Variants in MBP observed in about 807,000 individuals in gnomAD.
MBP encodes myelin basic protein, also known as Golli-MBP.
MBP carries 16 observed loss-of-function variants against 35.8 expected under a neutral mutation model. The ratio of observed to expected loss-of-function variants is 0.45; its 90% CI spans 0.30 to 0.68. MBP has a LOEUF of 0.68. Ranked by LOEUF, MBP falls within the 30% of genes least tolerant of loss-of-function variation. The pLI is 0.08. For synonymous variants in MBP, 143 were observed against 159.6 expected, an observed-to-expected ratio of 0.90 and a Z score of 0.78; for missense variants, 380 against 404.7, an observed-to-expected ratio of 0.94 and a Z score of 0.52.
chr18:77,088,502 T>C (rs887082110), intron 2 of MBP, among the ~76,000 whole-genome samples: 2 of 152,174 alleles, frequency 1.3e-5, no homozygotes, highest in African/African-American at 2.4e-5. Context: ...CATAACCTTC[T>C]TACATACAAA....
At chr18:77,132,284 G>A (rs1011132552) in intron 1 of MBP, among the ~76,000 whole-genome samples, 4 of 152,088 alleles carry the variant, frequency 2.6e-5, no homozygotes, top group African/African-American at 4.8e-5. Flanking sequence ...GTCTACACCC[G>A]CGCCCAGCCC....
At chr18:77,007,682 A>G (rs1239345585) in intron 4 of MBP, among the ~76,000 whole-genome samples, 1 of 152,066 alleles carries the variant, frequency 6.6e-6, no homozygotes, top group African/African-American at 2.4e-5. Context: ...TGCTTTTCCT[A>G]TCTGGACCAG....
chr18:76,978,964 G>GC lies in MBP; in HGVS notation c.*1462dup, dbSNP rs1431426152. ...GCAGAGCCGACCTCAGCTCAGCGAC[G>GC]CAGAGTGCTTCTGCTGAAAAATTTG... is the stretch of plus-strand genomic sequence containing the variant. On this transcript the variant is annotated 3_prime_UTR_variant, in exon 9 of 9. Coordinates refer to ENST00000355994, the MANE Select transcript of MBP (RefSeq NM_001025101.2). 3 of 152,236 alleles carry GC rather than the reference G, an allele frequency of 2.0e-5. No individual in the cohort carries two copies. Among genetic ancestry groups the GC allele is most frequent in the Non-Finnish European group, 4.4e-5 (3 of 68,052 alleles). 9.4% of individuals were successfully genotyped at this position (152,236 alleles called of 1,614,324 possible). A position where few individuals can be genotyped will look rare whatever the true frequency, so the allele number is the denominator to read the frequency against.
At chr18:77,117,350 C>T (rs188547280) in intron 1 of MBP, among the ~76,000 whole-genome samples, 10 of 152,272 alleles carry the variant, frequency 6.6e-5, no homozygotes, top group Non-Finnish European at 1.3e-4. Context: ...TTGAACTTTT[C>T]GAGTGTTTTC....
At chr18:77,048,879 C>A (rs972238776) in intron 3 of MBP, among the ~76,000 whole-genome samples, 19 of 151,916 alleles carry the variant, frequency 1.3e-4, no homozygotes, top group African/African-American at 3.9e-4. Flanking sequence ...GGATTTGAAC[C>A]CAGGTCAAGA....
chr18:76,985,343 G>A, intron 7 of MBP: 4 of 1,284,928 alleles, frequency 3.1e-6, no homozygotes, highest in Non-Finnish European at 4.0e-6. Context: ...CGGAGGCCCC[G>A]GCCTGCGCCT....
chr18:76,988,825 GAGA>G lies in MBP; in HGVS notation c.717+49_717+51del. 2 of 1,565,036 alleles carry G rather than the reference GAGA, an allele frequency of 1.3e-6. No individual in the cohort carries two copies. The highest frequency in any genetic ancestry group is 1.4e-5 in the African/African-American group (1 of 73,660). ...CTCTTTGGTACATTATGGGATTTTA[GAGA>G]AGGTCTATCAGAAAAGTGATGATCA... is the stretch of plus-strand genomic sequence containing the variant. On this transcript the variant is annotated intron_variant, in intron 6 of 8. Coordinates refer to ENST00000355994, the MANE Select transcript of MBP (RefSeq NM_001025101.2). This position sits in a 1 kb window ranked among gnomAD's most constrained non-coding sequence, Gnocchi z 5.2.
intron 3 of MBP, among the ~76,000 whole-genome samples, chr18:77,061,751 G>A (rs1384955224): frequency 1.3e-5 from 2 of 152,088 alleles, no homozygotes; most frequent in African/African-American, 4.8e-5. Context: ...TTTTCCTACT[G>A]TCAGCTAACT....
intron 3 of MBP, among the ~76,000 whole-genome samples, chr18:77,018,759 TCCA>T (rs1971825960): frequency 6.9e-6 from 1 of 144,812 alleles, no homozygotes; most frequent in African/African-American, 2.8e-5. Flanking sequence ...CATCCATCCA[TCCA>T]TCCATCCATC....
At chr18:77,095,837 A>G (rs918278535) in intron 2 of MBP, among the ~76,000 whole-genome samples, 2 of 152,220 alleles carry the variant, frequency 1.3e-5, no homozygotes, top group African/African-American at 4.8e-5. Context: ...TTTAACAAAC[A>G]GTTCCTCAAC....
chr18:77,016,877 G>T lies in MBP; in HGVS notation c.531C>A (p.Arg177=). ...RDTGILDSIG[R]FFGGDRGAPK... is the part of the protein sequence containing the mutation. ...GCGCACCCCTGTCACCGCCAAAGAA[G>T]CGCCCGATGGAGTCAAGGATGCCCG... Residue 177 remains arginine, a synonymous_variant, in exon 4 of 9, where the codon CGC becomes CGA. Coordinates refer to ENST00000355994, the MANE Select transcript of MBP (RefSeq NM_001025101.2). The T allele has an allele frequency of 6.2e-7, 1 of 1,614,244 alleles. No individual in the cohort carries two copies. Among genetic ancestry groups the T allele is most frequent in the Non-Finnish European group, 8.5e-7 (1 of 1,180,048 alleles).
At chr18:77,109,898 C>G (rs752455555) in intron 1 of MBP, 2 of 152,152 alleles carry the variant, frequency 1.3e-5, no homozygotes, top group African/African-American at 4.8e-5. Flanking sequence ...ACTTAGGATT[C>G]TTTGGACGTT....
chr18:77,021,994 A>G (rs1300204370), intron 3 of MBP, among the ~76,000 whole-genome samples: 1 of 151,990 alleles, frequency 6.6e-6, no homozygotes, highest in African/African-American at 2.4e-5. Context: ...GCATGGGAGG[A>G]GTGAGGTGGG....
chr18:76,998,171 A>G (rs1970420089), intron 4 of MBP, among the ~76,000 whole-genome samples: 1 of 151,442 alleles, frequency 6.6e-6, no homozygotes, highest in Non-Finnish European at 1.5e-5. Flanking sequence ...TGAAACACTC[A>G]CTCTCCATCC....
chr18:77,060,170 C>G (rs1002797459), intron 3 of MBP, among the ~76,000 whole-genome samples: 1 of 152,160 alleles, frequency 6.6e-6, no homozygotes, highest in African/African-American at 2.4e-5. Context: ...TTTGTTTTCT[C>G]TAACCTCCTG....
At chr18:77,043,138 T>A (rs973863040) in intron 3 of MBP, among the ~76,000 whole-genome samples, 5 of 152,240 alleles carry the variant, frequency 3.3e-5, no homozygotes, top group African/African-American at 1.2e-4. Context: ...CCTATCAGAA[T>A]GAAGAAACTG....
At chr18:76,998,793 G>A (rs1970470789) in intron 4 of MBP, among the ~76,000 whole-genome samples, 1 of 152,116 alleles carries the variant, frequency 6.6e-6, no homozygotes, top group South Asian at 2.1e-4. Flanking sequence ...CATGATCTGG[G>A]TCTGCAGTCC....
At position 76,985,964 on chromosome 18, in the gene MBP, C is replaced by T. The variant is rs889557821; in HGVS notation, c.751-1070G>A. 2.0e-5 allele frequency: 20 copies of T among 985,688 alleles called. No individual in the cohort carries two copies. In the East Asian group the frequency reaches 5.7e-4, roughly 28 times the overall value. The allele number at this position is 985,688 out of a possible 1,614,324, so 61.1% of individuals were successfully genotyped here. ...AGGGGCTTCCTGACACACATGGGTG[C>T]GAGTGTCCCAGGACCAGCCTCTACT... On this transcript the variant is annotated intron_variant, in intron 7 of 8. Coordinates refer to ENST00000355994, the MANE Select transcript of MBP (RefSeq NM_001025101.2).
chr18:77,093,092 C>T (rs1209618966), intron 2 of MBP: 3 of 66,268 alleles, frequency 4.5e-5, no homozygotes, highest in Non-Finnish European at 1.2e-4. Context: ...AATGCCCATG[C>T]TGTGGGCAAA....
Sources: gnomAD v4.1 joint callset for allele counts (sites outside exome capture counted in the v4.1 genomes callset) on GRCh38, gnomAD v4.1.1 for gene constraint, Gnocchi (gnomAD v3.1) non-coding constraint, MANE v1.5 for transcripts, NCBI Gene and HGNC (gene_info 2026-07-23, HGNC 2026-07-21) for gene names.